The following SNPH variants were observed in gnomAD, a reference collection of about 807,000 sequenced individuals.
SNPH encodes the protein syntaphilin.
In SNPH, 10 loss-of-function variants were observed where a neutral mutation model predicts 36.8. That is an observed-to-expected ratio of 0.27 (90% CI 0.17 to 0.46). The LOEUF is 0.46. Ranked by LOEUF, SNPH falls within the 20% of genes least tolerant of loss-of-function variation. The pLI, the probability that SNPH is intolerant of heterozygous loss-of-function variation, is 1.00. For missense variants in SNPH, 622 were observed against 744.0 expected, an observed-to-expected ratio of 0.84 and a Z score of 1.91; for synonymous variants, 281 against 312.2, an observed-to-expected ratio of 0.90 and a Z score of 1.05.
chr20:1,296,308 C>A lies in SNPH; in HGVS notation c.69C>A (p.Thr23=). 6.3e-7 allele frequency: 1 copy of A among 1,586,570 alleles called. No individual in the cohort carries two copies. Among genetic ancestry groups the A allele is most frequent in the Non-Finnish European group, 8.6e-7 (1 of 1,168,196 alleles). ...CGGCCCTTTCTGCGGGCCCCCCAAC[C>A]CGCCCTCTCTCCTCAGCCCCCGGGA... ...PGPALSAGPP[T]RPLSSAPGIP... The change falls in exon 4 of 7, where the codon ACC becomes ACA. Residue 23 remains threonine, a synonymous_variant. Transcript: ENST00000381867.
intron 5 of SNPH, among the ~76,000 whole-genome samples, chr20:1,299,497 G>A (rs2088479393): frequency 6.6e-6 from 1 of 152,228 alleles, no homozygotes; most frequent in Non-Finnish European, 1.5e-5. Flanking sequence ...TGGAATTGGG[G>A]CATTCTCCTT....
chr20:1,284,599 T>C (rs1291362832), intron 2 of SNPH, among the ~76,000 whole-genome samples: 1 of 152,098 alleles, frequency 6.6e-6, no homozygotes, highest in Non-Finnish European at 1.5e-5. Flanking sequence ...GAAGATTCAC[T>C]GAGAGGGTGA....
intron 2 of SNPH, among the ~76,000 whole-genome samples, chr20:1,269,068 T>C (rs916177676): frequency 6.6e-6 from 1 of 152,038 alleles, no homozygotes; most frequent in Non-Finnish European, 1.5e-5. Flanking sequence ...TTTTCTGTGT[T>C]TGAGGGAGGA....
In SNPH at chr20:1,299,374, C is replaced by G. The variant is rs547862988; in HGVS notation, c.291-1188C>G. 3.3e-5 allele frequency among the ~76,000 whole-genome samples: 5 copies of G among 152,354 alleles called. No individual in the cohort carries two copies. In the South Asian group the frequency reaches 8.3e-4, roughly 25 times the overall value. ...TTGGATGGCAACAAGGCCTGAGTCT[C>G]TAGTCGCGAGATACATGCCCAGGTT... On this transcript the variant is annotated intron_variant, in intron 5 of 6. Coordinates refer to ENST00000381867, the MANE Select transcript of SNPH (RefSeq NM_001318234.2).
chr20:1,297,068 G>A (rs2088445707), intron 4 of SNPH, 77 bp from the exon 5 acceptor site: 7 of 1,511,684 alleles, frequency 4.6e-6, no homozygotes, highest in Middle Eastern at 1.9e-4. Flanking sequence ...GGGCCGCAGC[G>A]GCCTGGCAGT....
At chr20:1,274,766 G>C (rs973805900) in intron 2 of SNPH, among the ~76,000 whole-genome samples, 1 of 152,188 alleles carries the variant, frequency 6.6e-6, no homozygotes, top group Non-Finnish European at 1.5e-5. Flanking sequence ...CTTCAGCAAA[G>C]GGCAGCTCCC....
In SNPH at chr20:1,307,917, A is replaced by G. The variant is rs2088602054; in HGVS notation, c.*1863A>G. On this transcript the variant is annotated 3_prime_UTR_variant, in exon 7 of 7. Transcript: ENST00000381867. ...ACGGAGGGGGCAGTGGACAAAACCA[A>G]TCCAAAGCCAAGCCGGGACTGGCTG... The G allele has an allele frequency of 6.6e-6, 1 of 152,618 alleles. No individual in the cohort carries two copies. Among genetic ancestry groups the G allele is most frequent in the Admixed American group, 6.5e-5 (1 of 15,290 alleles). 9.5% of individuals were successfully genotyped at this position (152,618 alleles called of 1,614,324 possible). A position where few individuals can be genotyped will look rare whatever the true frequency, so the allele number is the denominator to read the frequency against.
Position 1,296,307 on chromosome 20 carries a change from C to T in SNPH, c.68C>T (p.Thr23Ile), listed in dbSNP as rs757443788. Residue 23 changes from threonine (T) to isoleucine (I), a missense_variant, in exon 4 of 7, where the codon ACC becomes ATC. Transcript: ENST00000381867. ...PGPALSAGPP[T>I]RPLSSAPGIP... ...CCGGCCCTTTCTGCGGGCCCCCCAA[C>T]CCGCCCTCTCTCCTCAGCCCCCGGG... 24 of 1,581,192 alleles carry T rather than the reference C, an allele frequency of 1.5e-5. No homozygotes were observed. Among genetic ancestry groups the T allele is most frequent in the Non-Finnish European group, 1.9e-5 (22 of 1,165,728 alleles).
At chr20:1,300,518 C>T (rs752837305) in intron 5 of SNPH, 44 bp from the exon 6 acceptor site, 2 of 1,611,762 alleles carry the variant, frequency 1.2e-6, no homozygotes, top group South Asian at 1.1e-5. Flanking sequence ...CTGTGCCTTG[C>T]CTGACCTCTT....
At chr20:1,279,723 G>C (rs2088193965) in intron 2 of SNPH, among the ~76,000 whole-genome samples, 1 of 149,836 alleles carries the variant, frequency 6.7e-6, no homozygotes, top group East Asian at 1.9e-4. Flanking sequence ...CACCTCCTGG[G>C]CTCAGGTCTT....
chr20:1,306,285 A>G lies in SNPH; in HGVS notation c.*231A>G. The G allele has an allele frequency of 2.4e-6, 1 of 419,814 alleles. No homozygotes were observed. The highest frequency in any genetic ancestry group is 4.1e-6 in the Non-Finnish European group (1 of 243,218). The allele number at this position is 419,814 out of a possible 1,614,324, so 26.0% of individuals were successfully genotyped here. A position where few individuals can be genotyped will look rare whatever the true frequency, so the allele number is the denominator to read the frequency against. On this transcript the variant is annotated 3_prime_UTR_variant, in exon 7 of 7. Transcript: ENST00000381867. ...GGGGACCCAAGGCAGGAGGTACACC[A>G]GCTGGACAAATTGCAGGGAGGGGAG...
At chr20:1,270,818 C>T (rs1181998486) in intron 2 of SNPH, among the ~76,000 whole-genome samples, 1 of 152,202 alleles carries the variant, frequency 6.6e-6, no homozygotes, top group Non-Finnish European at 1.5e-5. Flanking sequence ...GAGGTGAAGT[C>T]ATTTGCCTAA....
rs1046048023 is a variant in SNPH, at chr20:1,266,584, G to A, written c.-599-70G>A. On this transcript the variant is annotated intron_variant, in intron 1 of 6. Transcript: ENST00000381867. The surrounding 1 kb of genome is among the most constrained non-coding windows in gnomAD (Gnocchi z 6.0). Reference sequence around the variant, plus strand: ...GCGGCCCAGCTGTCAGCGGCCGGGGGCTCAGCTGCCTGGGTGTTCCCCGCC... The same window carrying A: ...GCGGCCCAGCTGTCAGCGGCCGGGGACTCAGCTGCCTGGGTGTTCCCCGCC... 5.2e-5 allele frequency: 73 copies of A among 1,407,896 alleles called. No homozygotes were observed. The African/African-American group carries it at 8.8e-4, about 17-fold the overall frequency. The allele number at this position is 1,407,896 out of a possible 1,614,324, so 87.2% of individuals were successfully genotyped here.
intron 2 of SNPH, among the ~76,000 whole-genome samples, chr20:1,288,408 T>C (rs886937166): frequency 2.6e-5 from 4 of 151,910 alleles, no homozygotes; most frequent in African/African-American, 9.7e-5. Flanking sequence ...GTCACCAAGA[T>C]GGACGATGTG....
chr20:1,276,621 A>AGG lies in SNPH; in HGVS notation c.-493+9864_-493+9865dup, dbSNP rs1462107847. 6.6e-6 allele frequency among the ~76,000 whole-genome samples: 1 copy of AGG among 152,204 alleles called. No individual in the cohort carries two copies. Among genetic ancestry groups the AGG allele is most frequent in the Non-Finnish European group, 1.5e-5 (1 of 68,024 alleles). On this transcript the variant is annotated intron_variant, in intron 2 of 6. Coordinates refer to ENST00000381867, the MANE Select transcript of SNPH (RefSeq NM_001318234.2). This position sits in a 1 kb window ranked among gnomAD's most constrained non-coding sequence, Gnocchi z 4.6. ...TATGTGTAAAGCCCCTACCTAGCCC[A>AGG]GGGGCTTTATTTATTAAACACAGTA... is the stretch of plus-strand genomic sequence containing the variant.
In SNPH at chr20:1,304,848, T is replaced by C; in HGVS notation, c.441-30T>C. 6.3e-7 allele frequency: 1 copy of C among 1,596,586 alleles called. No individual in the cohort carries two copies. Among genetic ancestry groups the C allele is most frequent in the Non-Finnish European group, 8.6e-7 (1 of 1,169,236 alleles). On this transcript the variant is annotated intron_variant, in intron 6 of 6. Transcript: ENST00000381867. This position sits in a 1 kb window ranked among gnomAD's most constrained non-coding sequence, Gnocchi z 4.3. ...GGTGACAGACCAGGCAGGCAGGCAG[T>C]GAGCGTGTGTGTGTCTCCTCGGCTC...
chr20:1,293,181 T>A (rs2088385661), intron 2 of SNPH, among the ~76,000 whole-genome samples: 2 of 152,162 alleles, frequency 1.3e-5, no homozygotes, highest in African/African-American at 2.4e-5. Flanking sequence ...TGAGCCCAGA[T>A]CAGTTCATAT....
At position 1,294,397 on chromosome 20, in the gene SNPH, C is replaced by T. The variant is rs1035489555; in HGVS notation, c.-492-554C>T. Among the ~76,000 whole-genome samples the T allele has an allele frequency of 1.3e-5, 2 of 152,282 alleles. No individual in the cohort carries two copies. Among genetic ancestry groups the T allele is most frequent in the Admixed American group, 1.3e-4 (2 of 15,306 alleles). On this transcript the variant is annotated intron_variant, in intron 2 of 6. Transcript: ENST00000381867. This position sits in a 1 kb window ranked among gnomAD's most constrained non-coding sequence, Gnocchi z 4.4. Reference sequence around the variant, plus strand: ...GAGGCAGTGAGCCATTTATGGCCATCCTCACAAGCATGGAGGAGCACTGAT... The same window carrying T: ...GAGGCAGTGAGCCATTTATGGCCATTCTCACAAGCATGGAGGAGCACTGAT...
chr20:1,300,807 C>A, intron 6 of SNPH, 96 bp downstream of exon 6: 1 of 1,254,668 alleles, frequency 8.0e-7, no homozygotes, highest in Non-Finnish European at 1.1e-6. Context: ...GGAGGAGTGG[C>A]TGGGGGTCTC....
Sources: gnomAD v4.1 joint callset for allele counts (sites outside exome capture counted in the v4.1 genomes callset) on GRCh38, gnomAD v4.1.1 for gene constraint, Gnocchi (gnomAD v3.1) non-coding constraint, MANE v1.5 for transcripts, NCBI Gene and HGNC (gene_info 2026-07-23, HGNC 2026-07-21) for gene names.